The following ABLIM1 variants were observed in gnomAD, a reference collection of about 807,000 sequenced individuals.
ABLIM1 encodes actin-binding LIM protein 1.
Under a neutral mutation model 107.0 loss-of-function variants are expected in ABLIM1, and 40 were observed. The observed-to-expected ratio is 0.37, with a 90% CI of 0.29 to 0.49. The LOEUF is 0.49. Among genes scored for constraint, ABLIM1 ranks in the 20% least tolerant of loss-of-function variants. The pLI, the probability that ABLIM1 is intolerant of heterozygous loss-of-function variation, is 0.97. For missense variants in ABLIM1, 857 were observed against 1,008.5 expected, an observed-to-expected ratio of 0.85 and a Z score of 2.04; for synonymous variants, 357 against 357.3, an observed-to-expected ratio of 1.00 and a Z score of 0.01.
chr10:114,513,913 C>A (rs559921301), intron 6 of ABLIM1, among the ~76,000 whole-genome samples: 1 of 152,256 alleles, frequency 6.6e-6, no homozygotes, highest in Admixed American at 6.5e-5. Context: ...GATACATATA[C>A]TCCTGAAAAT....
chr10:114,496,541 G>A (rs1233776489), intron 6 of ABLIM1, among the ~76,000 whole-genome samples: 1 of 152,068 alleles, frequency 6.6e-6, no homozygotes, highest in Non-Finnish European at 1.5e-5. Flanking sequence ...AAGAGCTAAG[G>A]CATGCTGGGC....
At chr10:114,566,886 T>A (rs2070820057) in intron 4 of ABLIM1, among the ~76,000 whole-genome samples, 1 of 152,092 alleles carries the variant, frequency 6.6e-6, no homozygotes, top group Non-Finnish European at 1.5e-5. Flanking sequence ...ACATCTCTAC[T>A]AAAAATACAA....
Position 114,539,285 on chromosome 10 carries a change from G to A in ABLIM1, c.894+5720C>T, listed in dbSNP as rs184211744. On this transcript the variant is annotated intron_variant, in intron 6 of 22. Coordinates refer to ENST00000533213, the MANE Select transcript of ABLIM1 (RefSeq NM_002313.7). Reference sequence around the variant, plus strand: ...AGACAGGCGAATCACTTGAACCCAGGAGGTGGGGGGTGCAGTGAGCTGAGA... The same window carrying A: ...AGACAGGCGAATCACTTGAACCCAGAAGGTGGGGGGTGCAGTGAGCTGAGA... Among the ~76,000 whole-genome samples, 938 of 152,286 alleles carry A rather than the reference G, an allele frequency of 6.2e-3. 4 individuals are homozygous for A. The highest frequency in any genetic ancestry group is 0.013 in the South Asian group (65 of 4,828).
chr10:114,457,103 T>A (rs910544274), intron 12 of ABLIM1, among the ~76,000 whole-genome samples: 1 of 152,116 alleles, frequency 6.6e-6, no homozygotes, highest in South Asian at 2.1e-4. Flanking sequence ...CAACCGCTCA[T>A]CGGGGAATAA....
At chr10:114,512,827 AGAAGGAAGGAAG>A (rs146841851) in intron 6 of ABLIM1, among the ~76,000 whole-genome samples, 2 of 81,774 alleles carry the variant, frequency 2.4e-5, no homozygotes, top group Non-Finnish European at 4.7e-5. Context: ...TCCATCAGAT[AGAAGGAAGGAAG>A]GAAGGAAGGA....
At chr10:114,759,008 G>A (rs900659082) in intron 1 of ABLIM1, among the ~76,000 whole-genome samples, 2 of 152,064 alleles carry the variant, frequency 1.3e-5, no homozygotes, top group African/African-American at 4.8e-5. Flanking sequence ...CTACAAGCAA[G>A]CCTATAAAAA....
chr10:114,608,933 T>A (rs1002923579), intron 1 of ABLIM1, among the ~76,000 whole-genome samples: 8 of 151,624 alleles, frequency 5.3e-5, no homozygotes, highest in Non-Finnish European at 1.0e-4. Flanking sequence ...GAGAATCGCT[T>A]GAACACAGGA....
chr10:114,565,598 T>C (rs1305700728), intron 4 of ABLIM1, among the ~76,000 whole-genome samples: 2 of 152,048 alleles, frequency 1.3e-5, no homozygotes, highest in Non-Finnish European at 2.9e-5. Context: ...GGGCAGATCT[T>C]TCCTACGCTC....
At chr10:114,592,357 G>A (rs951279857) in intron 2 of ABLIM1, among the ~76,000 whole-genome samples, 2 of 152,134 alleles carry the variant, frequency 1.3e-5, no homozygotes, top group African/African-American at 2.4e-5. Context: ...TACTTGGTTT[G>A]TTTAAGAACG....
chr10:114,516,993 GT>G (rs951754720), intron 6 of ABLIM1, among the ~76,000 whole-genome samples: 15 of 151,044 alleles, frequency 9.9e-5, no homozygotes, highest in African/African-American at 2.9e-4. Flanking sequence ...TTGGGACTCC[GT>G]TTTTTTTTGT....
At chr10:114,496,635 C>T (rs2059705121) in intron 6 of ABLIM1, among the ~76,000 whole-genome samples, 2 of 152,294 alleles carry the variant, frequency 1.3e-5, no homozygotes, top group Non-Finnish European at 2.9e-5. Flanking sequence ...ACATCCTGCA[C>T]ATGTACTATG....
chr10:114,488,024 G>A lies in ABLIM1; in HGVS notation c.983-8C>T. The A allele has an allele frequency of 6.2e-7, 1 of 1,614,076 alleles. No homozygotes were observed. The highest frequency in any genetic ancestry group is 8.5e-7 in the Non-Finnish European group (1 of 1,179,994). ...GATGCCAAACGGTGGAGCCTGAGAA[G>A]ACAGAATGCACTACTAAGAGCCAGG... On this transcript the variant is annotated splice_region_variant and splice_polypyrimidine_tract_variant and intron_variant, in intron 7 of 22. Transcript: ENST00000533213.
At chr10:114,532,507 G>A (rs995555823) in intron 6 of ABLIM1, among the ~76,000 whole-genome samples, 1 of 152,210 alleles carries the variant, frequency 6.6e-6, no homozygotes, top group African/African-American at 2.4e-5. Flanking sequence ...TGTCCATGGT[G>A]GCAGACCCCT....
chr10:114,783,056 T>G, the ABLIM1 span, among the ~76,000 whole-genome samples: 21,625 of 151,902 alleles, frequency 0.14, 2,056 homozygotes, highest in East Asian at 0.45. Context: ...CCGAGGCAGA[T>G]GGATCACTTG....
chr10:114,576,190 G>A (rs1381130410), intron 2 of ABLIM1, among the ~76,000 whole-genome samples: 1 of 152,202 alleles, frequency 6.6e-6, no homozygotes, highest in Non-Finnish European at 1.5e-5. Flanking sequence ...GGAAAGACCT[G>A]TTATTTGGAT....
chr10:114,432,893 ATAAC>A lies in ABLIM1; in HGVS notation c.*3363_*3366del, dbSNP rs2059003844. On this transcript the variant is annotated 3_prime_UTR_variant, in exon 23 of 23. Coordinates refer to ENST00000533213, the MANE Select transcript of ABLIM1 (RefSeq NM_002313.7). ...GAACACGTCATATTAAGAACATTTC[ATAAC>A]TAACCCCAAACCAAAATGTAGATGC... 3 of 152,242 alleles carry A rather than the reference ATAAC, an allele frequency of 2.0e-5. No homozygotes were observed. Among genetic ancestry groups the A allele is most frequent in the Admixed American group, 1.3e-4 (2 of 15,282 alleles). 9.4% of individuals were successfully genotyped at this position (152,242 alleles called of 1,614,324 possible). A position where few individuals can be genotyped will look rare whatever the true frequency, so the allele number is the denominator to read the frequency against.
chr10:114,474,202 CT>C (rs1202430883), intron 8 of ABLIM1, among the ~76,000 whole-genome samples: 2 of 152,284 alleles, frequency 1.3e-5, no homozygotes, highest in East Asian at 3.9e-4. Flanking sequence ...ACGAGAATTT[CT>C]GGTTTACCTT....
intron 1 of ABLIM1, among the ~76,000 whole-genome samples, chr10:114,711,430 G>GTA (rs2081545507): frequency 6.6e-6 from 1 of 152,152 alleles, no homozygotes; most frequent in South Asian, 2.1e-4. Flanking sequence ...GAAGCCAACT[G>GTA]TAAAGCTTAT....
At chr10:114,448,245 T>C (rs1025654777) in intron 14 of ABLIM1, among the ~76,000 whole-genome samples, 6 of 152,232 alleles carry the variant, frequency 3.9e-5, no homozygotes, top group East Asian at 1.9e-4. Context: ...ACATGTGTTC[T>C]ACATCTGAAA....
Sources: allele counts gnomAD v4.1 joint callset (sites outside exome capture counted in the v4.1 genomes callset), GRCh38; gene constraint gnomAD v4.1.1; transcripts MANE v1.5; gene names NCBI Gene and HGNC (gene_info 2026-07-23, HGNC 2026-07-21).